The following NEK1 variants were observed in gnomAD, a reference collection of about 807,000 sequenced individuals.
NEK1 encodes serine/threonine-protein kinase Nek1.
NEK1 carries 137 observed loss-of-function variants against 182.1 expected under a neutral mutation model. That is an observed-to-expected ratio of 0.75 (90% CI 0.65 to 0.87). The LOEUF is 0.87. Ranked by LOEUF, NEK1 falls within the 40% of genes least tolerant of loss-of-function variation. The pLI, the probability that NEK1 is intolerant of heterozygous loss-of-function variation, is 0.00. For missense variants in NEK1, 1,391 were observed against 1,494.4 expected (o/e 0.93, Z 1.14); for synonymous variants, 513 against 492.2 (o/e 1.04, Z -0.56).
chr4:169,568,133 G>T (rs1764022320), intron 12 of NEK1, among the ~76,000 whole-genome samples: 1 of 152,098 alleles, frequency 6.6e-6, no homozygotes, highest in Admixed American at 6.5e-5. Flanking sequence ...CTGATACATG[G>T]CCAAGAGATA....
chr4:169,595,792 G>A (rs902353585), intron 5 of NEK1, among the ~76,000 whole-genome samples: 5 of 151,762 alleles, frequency 3.3e-5, no homozygotes, highest in Non-Finnish European at 4.4e-5. Flanking sequence ...GCGTGGTGGC[G>A]GGCGCCTGTA....
intron 27 of NEK1, among the ~76,000 whole-genome samples, chr4:169,447,651 G>A (rs1182662875): frequency 1.3e-5 from 2 of 152,160 alleles, no homozygotes; most frequent in Non-Finnish European, 2.9e-5. Context: ...TGGATCACTT[G>A]AGGTGAGAAG....
intron 18 of NEK1, among the ~76,000 whole-genome samples, chr4:169,552,776 C>T (rs1229500283): frequency 2.0e-5 from 3 of 152,070 alleles, no homozygotes; most frequent in African/African-American, 7.2e-5. Context: ...AAGTCAATTG[C>T]TTTCCTATAT....
intron 27 of NEK1, among the ~76,000 whole-genome samples, chr4:169,459,018 T>C (rs1339610358): frequency 6.6e-6 from 1 of 151,746 alleles, no homozygotes; most frequent in Non-Finnish European, 1.5e-5. Context: ...GATACTCAAC[T>C]GGTATAATGC....
intron 5 of NEK1, among the ~76,000 whole-genome samples, chr4:169,598,297 G>GCACAA (rs1427811005): frequency 3.3e-5 from 5 of 152,084 alleles, no homozygotes; most frequent in African/African-American, 1.2e-4. Flanking sequence ...AACACTCCTA[G>GCACAA]CACAGTGCTC....
At chr4:169,565,201 T>A (rs1287444223) in intron 12 of NEK1, among the ~76,000 whole-genome samples, 1 of 152,162 alleles carries the variant, frequency 6.6e-6, no homozygotes, top group Non-Finnish European at 1.5e-5. Context: ...CTTTCAAACT[T>A]TTTCTAAAGG....
At chr4:169,401,611 TA>T (rs771590471) in intron 33 of NEK1, 40 bp downstream of exon 33, 4 of 1,566,792 alleles carry the variant, frequency 2.6e-6, no homozygotes, top group Non-Finnish European at 3.5e-6. Context: ...GAAATATTTG[TA>T]AACTGAAAAA....
chr4:169,468,201 G>T (rs1745283801), intron 26 of NEK1, among the ~76,000 whole-genome samples: 1 of 152,184 alleles, frequency 6.6e-6, no homozygotes, highest in African/African-American at 2.4e-5. Flanking sequence ...CATTATGCTT[G>T]AGTGAAAGAA....
rs183378326 is a variant in NEK1 at position 169,555,832 on chromosome 4, G to A, written c.1450C>T (p.Arg484Cys). ...LPERGILPGV[R>C]PGFPYGAAGH... ...GCAGCCCCATAAGGAAATCCTGGAC[G>A]AACTCCAGGCAGAATTCCTCTGTAG... The change falls in exon 18 of 36, where the codon CGT becomes TGT. Residue 484 changes from arginine (R) to cysteine (C), a missense_variant. Physicochemically the swap from Arg to Cys is radical, Grantham distance 180. Around this residue, in one of 5 missense-constraint regions of NEK1, gnomAD observed 1,216 missense variants for 1,277.6 expected, o/e 0.95. Coordinates refer to ENST00000507142, the MANE Select transcript of NEK1 (RefSeq NM_001199397.3). 9 of 1,613,704 alleles carry A rather than the reference G, an allele frequency of 5.6e-6. No homozygotes were observed. The highest frequency in any genetic ancestry group is 2.7e-5 in the African/African-American group (2 of 74,908).
In NEK1 at chr4:169,438,213, T is replaced by G. The variant is rs1738784354; in HGVS notation, c.2634A>C (p.Glu878Asp). ...CATGTGAAATACATTGTACTTTTTTTTCTCCAGTAATTAAGGGTTTGTACT... is the reference window on the plus strand; with the variant it reads ...CATGTGAAATACATTGTACTTTTTTGTCTCCAGTAATTAAGGGTTTGTACT... Reference protein sequence around the residue: ...GEKYKPLITGEKKVQCISHEI... With the variant: ...GEKYKPLITGDKKVQCISHEI... Residue 878 changes from glutamate to aspartate, a missense_variant, in exon 28 of 36, where the codon GAA (glutamate) becomes GAC (aspartate). By Grantham distance (45) the Glu-to-Asp change is conservative (BLOSUM62 2). Transcript: ENST00000507142. 6 of 1,574,370 alleles carry G rather than the reference T, an allele frequency of 3.8e-6. No individual in the cohort carries two copies. Among genetic ancestry groups the G allele is most frequent in the Non-Finnish European group, 5.2e-6 (6 of 1,158,014 alleles).
chr4:169,572,827 A>G (rs186526662), intron 12 of NEK1, among the ~76,000 whole-genome samples: 2 of 152,340 alleles, frequency 1.3e-5, no homozygotes, highest in African/African-American at 4.8e-5. Context: ...TTAATAATAT[A>G]GACATCAGGA....
chr4:169,509,192 A>C (rs1753799440), intron 19 of NEK1, among the ~76,000 whole-genome samples: 1 of 152,150 alleles, frequency 6.6e-6, no homozygotes, highest in Non-Finnish European at 1.5e-5. Flanking sequence ...TTTCCTCTAC[A>C]AACAGCCAAT....
intron 5 of NEK1, among the ~76,000 whole-genome samples, chr4:169,595,343 TTTTC>T (rs892396150): frequency 6.6e-6 from 1 of 152,194 alleles, no homozygotes; most frequent in African/African-American, 2.4e-5. Flanking sequence ...AGGAAGCCTT[TTTTC>T]TTTCTTAAGC....
rs556392519 is a variant in NEK1 at position 169,599,238 on chromosome 4, C to T, written c.215-41G>A. ...ATTACAGTCCACTTTTAAAAACGTACATCAAAAGCATGGCTAAATTAAAAG... is the reference window on the plus strand; with the variant it reads ...ATTACAGTCCACTTTTAAAAACGTATATCAAAAGCATGGCTAAATTAAAAG... On this transcript the variant is annotated intron_variant, in intron 4 of 35. Transcript: ENST00000507142. 17 of 1,390,840 alleles carry T rather than the reference C, an allele frequency of 1.2e-5. 1 individual carries two copies. Among genetic ancestry groups the T allele is most frequent in the Non-Finnish European group, 1.4e-5 (14 of 993,658 alleles). 86.2% of individuals were successfully genotyped at this position (1,390,840 alleles called of 1,614,324 possible). A position where few individuals can be genotyped will look rare whatever the true frequency, so the allele number is the denominator to read the frequency against.
chr4:169,571,778 G>C (rs1764895034), intron 12 of NEK1, among the ~76,000 whole-genome samples: 2 of 152,172 alleles, frequency 1.3e-5, no homozygotes, highest in South Asian at 2.1e-4. Context: ...CTCCAGGCTG[G>C]AGGGCAGTGG....
At chr4:169,516,449 A>G in intron 19 of NEK1, among the ~76,000 whole-genome samples, 2 of 103,742 alleles carry the variant, frequency 1.9e-5, no homozygotes, top group Non-Finnish European at 3.6e-5. Context: ...CCCATGTTGT[A>G]GGTTGCCTGT....
intron 19 of NEK1, among the ~76,000 whole-genome samples, chr4:169,529,861 T>G (rs1757413168): frequency 6.6e-6 from 1 of 152,164 alleles, no homozygotes; most frequent in African/African-American, 2.4e-5. Context: ...CATATTCCTA[T>G]ACATGGTTTA....
At chr4:169,576,502 T>C in intron 12 of NEK1, 1 of 154,308 alleles carries the variant, frequency 6.5e-6, no homozygotes, top group East Asian at 1.9e-4. Context: ...GTCTTCATTT[T>C]TCATCTGAAA....
At chr4:169,404,397 G>C (rs897745034) in intron 32 of NEK1, among the ~76,000 whole-genome samples, 5 of 152,060 alleles carry the variant, frequency 3.3e-5, no homozygotes, top group African/African-American at 1.2e-4. Flanking sequence ...AGAAACTTAA[G>C]AAGCAAGGGC....
Sources: gnomAD v4.1 joint callset for allele counts (sites outside exome capture counted in the v4.1 genomes callset) on GRCh38, gnomAD v4.1.1 for gene constraint, gnomAD v4.1.1 regional missense constraint, MANE v1.5 for transcripts, NCBI Gene and HGNC (gene_info 2026-07-23, HGNC 2026-07-21) for gene names.